SENP5: variants seen among roughly 807,000 people sequenced by gnomAD.
The protein encoded by SENP5 is sentrin-specific protease 5.
Under a neutral mutation model 74.2 loss-of-function variants are expected in SENP5, and 21 were observed. That is an observed-to-expected ratio of 0.28 (90% CI 0.20 to 0.41). SENP5 has a LOEUF of 0.41. Ranked by LOEUF, SENP5 falls within the 10% of genes least tolerant of loss-of-function variation. SENP5 has a pLI of 1.00. For missense variants in SENP5, 717 were observed against 889.1 expected (o/e 0.81, Z 2.46); for synonymous variants, 311 against 312.7 (o/e 0.99, Z 0.06).
chr3:196,886,243 C>G lies in SENP5; in HGVS notation c.1062C>G (p.Asn354Lys), dbSNP rs1456753864. ...ACCAACAGAATGGCAGTGCCACAAACGCCTGGGACCAGTCATCCTGTTCTT... is the reference window on the plus strand; with the variant it reads ...ACCAACAGAATGGCAGTGCCACAAAGGCCTGGGACCAGTCATCCTGTTCTT... ...FPDQQNGSATNAWDQSSCSSP... is the reference protein window; with the variant it reads ...FPDQQNGSATKAWDQSSCSSP... Residue 354 changes from asparagine to lysine, a missense_variant, in exon 2 of 10, where the codon AAC (asparagine) becomes AAG (lysine). By Grantham distance (94) the Asn-to-Lys change is moderately conservative. Transcript: ENST00000323460. 6.2e-7 allele frequency: 1 copy of G among 1,613,998 alleles called. No individual in the cohort carries two copies. Among genetic ancestry groups the G allele is most frequent in the Non-Finnish European group, 8.5e-7 (1 of 1,180,000 alleles).
rs370345870 is a variant in SENP5, at chr3:196,925,302, GA to G, written c.2022+1759del. ...ACATTTTCATTTCCAAGAAATCCAG[GA>G]AAAAAAATACCCCAAAAACAAGAAG... is the stretch of plus-strand genomic sequence containing the variant. On this transcript the variant is annotated intron_variant, in intron 7 of 9. Coordinates refer to ENST00000323460, the MANE Select transcript of SENP5 (RefSeq NM_152699.5). Among the ~76,000 whole-genome samples, 1,369 of 151,688 alleles carry G rather than the reference GA, an allele frequency of 9.0e-3. 22 individuals are homozygous for G. The highest frequency in any genetic ancestry group is 0.028 in the African/African-American group (1,175 of 41,386).
chr3:196,926,689 A>C (rs1387749796), intron 7 of SENP5, among the ~76,000 whole-genome samples: 1 of 124,672 alleles, frequency 8.0e-6, no homozygotes, highest in Admixed American at 9.3e-5. Flanking sequence ...CCTGGGTTGG[A>C]GTGCAGTGGC....
chr3:196,927,493 G>A (rs755386753), intron 7 of SENP5, among the ~76,000 whole-genome samples: 8 of 152,250 alleles, frequency 5.3e-5, no homozygotes, highest in Middle Eastern at 3.4e-3. Flanking sequence ...GGCTTTAGCC[G>A]GGAGCGGTGG....
chr3:196,893,360 G>A (rs1235532570), intron 2 of SENP5, among the ~76,000 whole-genome samples: 2 of 152,172 alleles, frequency 1.3e-5, no homozygotes, highest in Non-Finnish European at 2.9e-5. Flanking sequence ...GTGTGCATGT[G>A]TGTGTGTATA....
intron 1 of SENP5, among the ~76,000 whole-genome samples, chr3:196,883,488 A>C (rs2108814328): frequency 6.6e-6 from 1 of 152,244 alleles, no homozygotes; most frequent in South Asian, 2.1e-4. Context: ...TACATGATAT[A>C]CTGGACTATC....
chr3:196,922,279 A>C (rs1715648114), intron 6 of SENP5, among the ~76,000 whole-genome samples: 1 of 152,254 alleles, frequency 6.6e-6, no homozygotes, highest in African/African-American at 2.4e-5. Context: ...AGGTGCAAAG[A>C]AGCTAAGGAA....
At position 196,894,548 on chromosome 3, in the gene SENP5, A is replaced by T. The variant is rs78859923; in HGVS notation, c.1514-5118A>T. Among the ~76,000 whole-genome samples the T allele has an allele frequency of 4.6e-3, 648 of 141,184 alleles. 7 individuals are homozygous for T. The highest frequency in any genetic ancestry group is 0.015 in the African/African-American group (586 of 38,772). The allele number at this position is 141,184 out of a possible 152,430, so 92.6% of individuals were successfully genotyped here. On this transcript the variant is annotated intron_variant, in intron 2 of 9. Coordinates refer to ENST00000323460, the MANE Select transcript of SENP5 (RefSeq NM_152699.5). Reference sequence around the variant, plus strand: ...AGTTGCGAGTTCTTTTTTTTTTTTTAAATTTATTCCCATGGGTCTGGGAAC... The same window carrying T: ...AGTTGCGAGTTCTTTTTTTTTTTTTTAATTTATTCCCATGGGTCTGGGAAC...
In SENP5 at chr3:196,934,212, C is replaced by CT. The variant is rs1716158393; in HGVS notation, c.*3290dup. 1 of 152,228 alleles carries CT rather than the reference C, an allele frequency of 6.6e-6. No homozygotes were observed. Among genetic ancestry groups the CT allele is most frequent in the Admixed American group, 6.5e-5 (1 of 15,280 alleles). 9.4% of individuals were successfully genotyped at this position (152,228 alleles called of 1,614,324 possible). A position where few individuals can be genotyped will look rare whatever the true frequency, so the allele number is the denominator to read the frequency against. On this transcript the variant is annotated 3_prime_UTR_variant, in exon 10 of 10. Coordinates refer to ENST00000323460, the MANE Select transcript of SENP5 (RefSeq NM_152699.5). ...TTCTATTTTCTACATAGCACTGAAT[C>CT]TGAGTAACAGTCATCCTGGATTTAT...
rs1384726449 is a variant in SENP5 at position 196,933,343 on chromosome 3, A to G, written c.*2420A>G. The G allele has an allele frequency of 2.0e-5, 3 of 152,020 alleles. No homozygotes were observed. The highest frequency in any genetic ancestry group is 2.9e-5 in the Non-Finnish European group (2 of 67,996). 9.4% of individuals were successfully genotyped at this position (152,020 alleles called of 1,614,324 possible). A position where few individuals can be genotyped will look rare whatever the true frequency, so the allele number is the denominator to read the frequency against. ...TGTTAAGTATTTTAAAAGTCATTTT[A>G]AAATATTTGTCATTGATGAAACTTG... On this transcript the variant is annotated 3_prime_UTR_variant, in exon 10 of 10. Transcript: ENST00000323460.
Position 196,897,119 on chromosome 3 carries a change from A to G in SENP5, c.1514-2547A>G, listed in dbSNP as rs576958724. Reference sequence around the variant, plus strand: ...ACATCCATATCCCATTGTGGGGGACACTGCCTTCTTATTTGAGGAGCCTCA... The same window carrying G: ...ACATCCATATCCCATTGTGGGGGACGCTGCCTTCTTATTTGAGGAGCCTCA... On this transcript the variant is annotated intron_variant, in intron 2 of 9. Transcript: ENST00000323460. Among the ~76,000 whole-genome samples the G allele has an allele frequency of 1.4e-4, 22 of 152,346 alleles. No individual in the cohort carries two copies. In the South Asian group the frequency reaches 4.6e-3, roughly 32 times the overall value.
chr3:196,930,761 G>A, intron 9 of SENP5, 52 bp from the exon 10 acceptor site: 2 of 1,124,598 alleles, frequency 1.8e-6, no homozygotes, highest in Non-Finnish European at 2.7e-6. Flanking sequence ...GAATGGGCTG[G>A]TCCACAACTC....
chr3:196,888,982 G>A (rs1424723662), intron 2 of SENP5, among the ~76,000 whole-genome samples: 4 of 152,012 alleles, frequency 2.6e-5, no homozygotes, highest in African/African-American at 9.7e-5. Flanking sequence ...CGGGCGTGGT[G>A]GCAGGCGCCT....
chr3:196,903,339 C>T (rs900032325), intron 5 of SENP5, among the ~76,000 whole-genome samples, 194 bp from the exon 6 acceptor site: 2 of 152,166 alleles, frequency 1.3e-5, no homozygotes, highest in Non-Finnish European at 2.9e-5. Flanking sequence ...AGTGTCTCAC[C>T]ATGTTGGCCA....
At chr3:196,902,488 C>T (rs572854715) in intron 5 of SENP5, among the ~76,000 whole-genome samples, 6 of 152,248 alleles carry the variant, frequency 3.9e-5, no homozygotes, top group East Asian at 1.9e-4. Context: ...GCCTCAGAAC[C>T]GTCTGAAAGG....
intron 6 of SENP5, 98 bp from the exon 7 acceptor site, chr3:196,923,316 C>A (rs62411765): frequency 1.4e-6 from 2 of 1,387,736 alleles, no homozygotes; most frequent in Non-Finnish European, 1.9e-6. Flanking sequence ...CTTTTTTGCC[C>A]TTGTGCAGGT....
intron 6 of SENP5, among the ~76,000 whole-genome samples, chr3:196,912,344 TCTCA>T (rs1016010763): frequency 2.6e-5 from 4 of 152,100 alleles, no homozygotes; most frequent in Non-Finnish European, 5.9e-5. Flanking sequence ...CACTGCATGT[TCTCA>T]CTCATAAGTG....
intron 5 of SENP5, among the ~76,000 whole-genome samples, 173 bp downstream of exon 5, chr3:196,900,585 C>T (rs1191275592): frequency 6.6e-6 from 1 of 152,040 alleles, no homozygotes; most frequent in Non-Finnish European, 1.5e-5. Flanking sequence ...CATCAAATCA[C>T]TTCTTTTTGT....
chr3:196,914,303 T>TA (rs950484799), intron 6 of SENP5: 1 of 151,992 alleles, frequency 6.6e-6, no homozygotes, highest in African/African-American at 2.4e-5. Flanking sequence ...CAGTGGGCCA[T>TA]ACTTGGTCAT....
At chr3:196,875,579 CCT>C (rs369460376) in intron 1 of SENP5, among the ~76,000 whole-genome samples, 2 of 152,034 alleles carry the variant, frequency 1.3e-5, no homozygotes, top group East Asian at 1.9e-4. Context: ...TACTGAATTC[CCT>C]CTCTTTCCTA....
Sources: gnomAD v4.1 joint callset for allele counts (sites outside exome capture counted in the v4.1 genomes callset) on GRCh38, gnomAD v4.1.1 for gene constraint, MANE v1.5 for transcripts, NCBI Gene and HGNC (gene_info 2026-07-23, HGNC 2026-07-21) for gene names.